Variants in GABRG3 observed in about 807,000 individuals in gnomAD.
GABRG3 encodes gamma-aminobutyric acid receptor subunit gamma-3.
In GABRG3, 25 loss-of-function variants were observed where a neutral mutation model predicts 48.8. The observed-to-expected ratio is 0.51, with a 90% CI of 0.37 to 0.72. The LOEUF is 0.72. GABRG3 is among the 30% of genes least tolerant of loss of function. The pLI is 0.00. For synonymous variants in GABRG3, 227 were observed against 217.6 expected, an observed-to-expected ratio of 1.04 and a Z score of -0.38; for missense variants, 394 against 577.9, an observed-to-expected ratio of 0.68 and a Z score of 3.26.
intron 6 of GABRG3, among the ~76,000 whole-genome samples, chr15:27,484,652 T>C (rs989740002): frequency 5.9e-5 from 9 of 152,102 alleles, no homozygotes; most frequent in Non-Finnish European, 1.3e-4. Context: ...AAGTGGCAGA[T>C]TGTGAGGCTG....
intron 3 of GABRG3, among the ~76,000 whole-genome samples, chr15:27,252,797 G>T (rs970499203): frequency 1.2e-4 from 19 of 152,288 alleles, no homozygotes; most frequent in Non-Finnish European, 1.0e-4. Flanking sequence ...GATCCAAAAG[G>T]TCCGTGTCTG....
intron 3 of GABRG3, among the ~76,000 whole-genome samples, chr15:27,234,779 C>G (rs1889904117): frequency 6.6e-6 from 1 of 152,166 alleles, no homozygotes; most frequent in Non-Finnish European, 1.5e-5. Flanking sequence ...TCCAGTGACC[C>G]TCTCTCATGA....
At chr15:27,240,964 T>C (rs1462168486) in intron 3 of GABRG3, among the ~76,000 whole-genome samples, 1 of 152,202 alleles carries the variant, frequency 6.6e-6, no homozygotes, top group East Asian at 1.9e-4. Context: ...ATGGAAATGT[T>C]CTTACTGAAG....
chr15:27,420,640 A>G (rs955828322), intron 5 of GABRG3: 3 of 152,228 alleles, frequency 2.0e-5, no homozygotes, highest in Admixed American at 6.5e-5. Flanking sequence ...CAAAACGTCA[A>G]GTTTTACACC....
chr15:27,319,991 T>C lies in GABRG3; in HGVS notation c.271-6818T>C, dbSNP rs139350197. ...AAAAGGCAGGATGTCTATAGCAATG[T>C]GCAAGGGGCACCTGCTTCCACCAGG... On this transcript the variant is annotated intron_variant, in intron 3 of 9. Coordinates refer to ENST00000615808, the MANE Select transcript of GABRG3 (RefSeq NM_033223.5). The surrounding 1 kb of genome is among the most constrained non-coding windows in gnomAD (Gnocchi z 4.4). Among the ~76,000 whole-genome samples, 2 of 152,208 alleles carry C rather than the reference T, an allele frequency of 1.3e-5. No homozygotes were observed. Among genetic ancestry groups the C allele is most frequent in the East Asian group, 3.9e-4 (2 of 5,162 alleles).
intron 3 of GABRG3, among the ~76,000 whole-genome samples, chr15:27,093,614 TAAAAG>T (rs1366815758): frequency 1.3e-5 from 2 of 152,114 alleles, no homozygotes; most frequent in Non-Finnish European, 2.9e-5. Flanking sequence ...GATGTTTTGT[TAAAAG>T]AAAGGCCCTT....
chr15:27,513,006 G>C (rs574088863), intron 6 of GABRG3, among the ~76,000 whole-genome samples: 11 of 152,118 alleles, frequency 7.2e-5, no homozygotes, highest in African/African-American at 2.7e-4. Context: ...CTATGATCTT[G>C]GACCAAGTGA....
chr15:27,304,640 T>C (rs1405671151), intron 3 of GABRG3, among the ~76,000 whole-genome samples: 1 of 151,884 alleles, frequency 6.6e-6, no homozygotes, highest in Non-Finnish European at 1.5e-5. Context: ...CATTGTAAAA[T>C]CTCCTTCTCT....
intron 2 of GABRG3, among the ~76,000 whole-genome samples, chr15:27,000,351 TC>T (rs1895420433): frequency 6.6e-6 from 1 of 152,194 alleles, no homozygotes; most frequent in Admixed American, 6.5e-5. Flanking sequence ...GTTAGACAGA[TC>T]TGGAGAAGTG....
At chr15:27,289,966 A>C (rs1416665432) in intron 3 of GABRG3, among the ~76,000 whole-genome samples, 1 of 152,190 alleles carries the variant, frequency 6.6e-6, no homozygotes, top group East Asian at 1.9e-4. Context: ...TTATAATCCC[A>C]ATCTCTAATA....
At chr15:27,039,847 C>T (rs941594888) in intron 3 of GABRG3, among the ~76,000 whole-genome samples, 4 of 152,228 alleles carry the variant, frequency 2.6e-5, no homozygotes, top group Admixed American at 6.5e-5. Flanking sequence ...GTTGATGTTC[C>T]ATCCACCCCT....
chr15:27,177,401 G>T (rs1887781746), intron 3 of GABRG3, among the ~76,000 whole-genome samples: 1 of 152,194 alleles, frequency 6.6e-6, no homozygotes, highest in Non-Finnish European at 1.5e-5. Context: ...TTATAGAATA[G>T]CAAGCAGCTT....
At chr15:27,465,608 G>A (rs898580947) in intron 5 of GABRG3, among the ~76,000 whole-genome samples, 1 of 152,182 alleles carries the variant, frequency 6.6e-6, no homozygotes, top group Admixed American at 6.5e-5. Context: ...TTTCCAGAGA[G>A]GAGGGACACT....
intron 2 of GABRG3, among the ~76,000 whole-genome samples, chr15:26,989,960 T>G (rs1895218025): frequency 6.6e-6 from 1 of 152,238 alleles, no homozygotes; most frequent in Non-Finnish European, 1.5e-5. Context: ...CAGGATCTCA[T>G]TTTTTAATAG....
intron 3 of GABRG3, among the ~76,000 whole-genome samples, chr15:27,165,115 A>C (rs1226331290): frequency 6.6e-6 from 1 of 152,220 alleles, no homozygotes; most frequent in Non-Finnish European, 1.5e-5. Context: ...TTGACATACC[A>C]AAAACTGATG....
At chr15:27,110,392 T>G (rs1205672637) in intron 3 of GABRG3, among the ~76,000 whole-genome samples, 1 of 152,128 alleles carries the variant, frequency 6.6e-6, no homozygotes, top group Non-Finnish European at 1.5e-5. Flanking sequence ...TGCTTCAAAG[T>G]TATATTTTAG....
chr15:27,256,422 C>A (rs1243965238), intron 3 of GABRG3, among the ~76,000 whole-genome samples: 1 of 128,472 alleles, frequency 7.8e-6, no homozygotes, highest in Non-Finnish European at 1.5e-5. Flanking sequence ...GCCTGGGCGA[C>A]AGAGCAAGAC....
chr15:27,116,365 T>C (rs188449830), intron 3 of GABRG3, among the ~76,000 whole-genome samples: 289 of 152,290 alleles, frequency 1.9e-3, no homozygotes, highest in Non-Finnish European at 3.2e-3. Flanking sequence ...ATTTGACTTT[T>C]ATATATTTTT....
intron 3 of GABRG3, among the ~76,000 whole-genome samples, chr15:27,287,771 C>G (rs1204446075): frequency 1.3e-4 from 18 of 141,704 alleles, no homozygotes; most frequent in African/African-American, 5.0e-4. Flanking sequence ...TGGAGTCTCG[C>G]TCTGTTGCCC....
Sources: allele counts gnomAD v4.1 joint callset (sites outside exome capture counted in the v4.1 genomes callset), GRCh38; gene constraint gnomAD v4.1.1; non-coding constraint Gnocchi (gnomAD v3.1); transcripts MANE v1.5; gene names NCBI Gene and HGNC (gene_info 2026-07-23, HGNC 2026-07-21).